Variants in SLC39A11 observed in about 807,000 individuals in gnomAD.
SLC39A11 encodes the protein zinc transporter ZIP11.
Under a neutral mutation model 36.1 loss-of-function variants are expected in SLC39A11, and 33 were observed. The ratio of observed to expected loss-of-function variants is 0.91; its 90% CI spans 0.69 to 1.22. SLC39A11 has a LOEUF of 1.22. Among genes scored for constraint, SLC39A11 ranks in the 50% most tolerant of loss-of-function variants. The pLI is 0.00. For missense variants in SLC39A11, 432 were observed against 430.3 expected, an observed-to-expected ratio of 1.00 and a Z score of -0.03; for synonymous variants, 166 against 170.3, an observed-to-expected ratio of 0.97 and a Z score of 0.20.
At chr17:72,933,559 G>A (rs953566771) in intron 5 of SLC39A11, among the ~76,000 whole-genome samples, 3 of 152,082 alleles carry the variant, frequency 2.0e-5, no homozygotes, top group Non-Finnish European at 2.9e-5. Flanking sequence ...TTGCTTTGTC[G>A]CCCAAGCCAG....
chr17:72,965,787 C>CCA (rs1356321243), intron 4 of SLC39A11, among the ~76,000 whole-genome samples: 2 of 152,158 alleles, frequency 1.3e-5, no homozygotes, highest in Non-Finnish European at 2.9e-5. Context: ...ATACAAGGTG[C>CCA]CACACCATGC....
chr17:72,915,248 C>T (rs1430927077), intron 5 of SLC39A11, among the ~76,000 whole-genome samples: 1 of 152,182 alleles, frequency 6.6e-6, no homozygotes, highest in Admixed American at 6.5e-5. Flanking sequence ...ATCAAATGCT[C>T]ACACCGGGAC....
chr17:72,728,451 G>C (rs932764863), intron 7 of SLC39A11, among the ~76,000 whole-genome samples: 2 of 151,508 alleles, frequency 1.3e-5, no homozygotes, highest in African/African-American at 4.8e-5. Context: ...AAAAGAAAGG[G>C]AAAGGGAAAG....
chr17:73,034,789 G>A (rs1195523104), intron 3 of SLC39A11, among the ~76,000 whole-genome samples: 1 of 152,132 alleles, frequency 6.6e-6, no homozygotes, highest in East Asian at 1.9e-4. Context: ...GCATCACTGA[G>A]TACCAACCTT....
intron 7 of SLC39A11, among the ~76,000 whole-genome samples, chr17:72,655,052 C>T (rs562163265): frequency 1.3e-5 from 2 of 152,348 alleles, no homozygotes; most frequent in African/African-American, 2.4e-5. Flanking sequence ...CTGCCATGCC[C>T]TCTGGATCCT....
chr17:72,988,854 G>A (rs1264175154), intron 4 of SLC39A11, among the ~76,000 whole-genome samples: 3 of 152,020 alleles, frequency 2.0e-5, no homozygotes, highest in African/African-American at 4.8e-5. Flanking sequence ...GATTACAGGC[G>A]TGAGCCACCA....
At chr17:72,864,071 G>T (rs2080181259) in intron 5 of SLC39A11, among the ~76,000 whole-genome samples, 2 of 152,132 alleles carry the variant, frequency 1.3e-5, no homozygotes, top group South Asian at 4.1e-4. Context: ...TCTGTTCACT[G>T]CCAATCCATC....
chr17:73,031,450 A>G, intron 4 of SLC39A11, 106 bp downstream of exon 4: 17 of 1,225,116 alleles, frequency 1.4e-5, no homozygotes, highest in Non-Finnish European at 1.8e-5. Flanking sequence ...ACCACTGGCT[A>G]CTTAACAGAG....
intron 7 of SLC39A11, among the ~76,000 whole-genome samples, chr17:72,686,653 G>C (rs903106008): frequency 6.6e-6 from 1 of 152,220 alleles, no homozygotes. Context: ...TGAATGCCCA[G>C]CTATGGCCCA....
rs200710058 is a variant in SLC39A11, at chr17:73,067,540, C to CT, written c.147+17267dup. Among the ~76,000 whole-genome samples, 56 of 151,780 alleles carry CT rather than the reference C, an allele frequency of 3.7e-4. No individual in the cohort carries two copies. In the East Asian group the frequency reaches 8.7e-3, roughly 24 times the overall value. ...GGGTCTTTCTTGTTTTTTGTTTTTT[C>CT]TTTTTTTTGAGAACTGGCAATGAAG... On this transcript the variant is annotated intron_variant, in intron 3 of 9. Transcript: ENST00000255559.
intron 7 of SLC39A11, among the ~76,000 whole-genome samples, chr17:72,702,661 G>A (rs2072704238): frequency 6.6e-6 from 1 of 152,082 alleles, no homozygotes; most frequent in Non-Finnish European, 1.5e-5. Context: ...TTCCAGCCAG[G>A]CATGGTGGCT....
chr17:72,946,510 T>C (rs534465178), intron 5 of SLC39A11, among the ~76,000 whole-genome samples: 1 of 152,302 alleles, frequency 6.6e-6, no homozygotes, highest in South Asian at 2.1e-4. Context: ...AAAGATTCAA[T>C]TAAAATGCCA....
chr17:72,742,320 C>G (rs915043115), intron 6 of SLC39A11, among the ~76,000 whole-genome samples: 4 of 152,162 alleles, frequency 2.6e-5, no homozygotes, highest in African/African-American at 2.4e-5. Context: ...GAGGAGGCAG[C>G]CTCGTTTTTG....
At chr17:72,961,664 C>T (rs1322070740) in intron 4 of SLC39A11, among the ~76,000 whole-genome samples, 1 of 151,848 alleles carries the variant, frequency 6.6e-6, no homozygotes, top group African/African-American at 2.4e-5. Context: ...CGCATGTTCT[C>T]ACTCATAGGT....
chr17:72,781,426 CTTTT>C (rs1297549110), intron 6 of SLC39A11, among the ~76,000 whole-genome samples: 1 of 134,186 alleles, frequency 7.5e-6, no homozygotes, highest in Non-Finnish European at 1.6e-5. Context: ...TTTTTTTTTT[CTTTT>C]TTCTTTTTTT....
chr17:72,736,676 C>T lies in SLC39A11; in HGVS notation c.645G>A (p.Thr215=), dbSNP rs757427255. 4.4e-5 allele frequency: 71 copies of T among 1,613,882 alleles called. No homozygotes were observed. The highest frequency in any genetic ancestry group is 5.7e-5 in the Non-Finnish European group (67 of 1,179,998). Residue 215 remains threonine, a synonymous_variant, in exon 7 of 10, where the codon ACG becomes ACA. Transcript: ENST00000255559. ...TGGCACTCTCAAAGGTAGCAGATGCCGTCTTTTCTATAGCCCCAAATCCAA... is the reference window on the plus strand; with the variant it reads ...TGGCACTCTCAAAGGTAGCAGATGCTGTCTTTTCTATAGCCCCAAATCCAA... ...VGVGFGAIEK[T]ASATFESARN...
chr17:73,012,241 A>G (rs912168262), intron 4 of SLC39A11, among the ~76,000 whole-genome samples: 17 of 152,056 alleles, frequency 1.1e-4, no homozygotes, highest in African/African-American at 4.1e-4. Flanking sequence ...ATGCCACTGC[A>G]CTCCATCCTG....
intron 6 of SLC39A11, among the ~76,000 whole-genome samples, chr17:72,802,953 G>A (rs866798741): frequency 1.9e-4 from 29 of 152,228 alleles, no homozygotes; most frequent in South Asian, 8.3e-4. Flanking sequence ...CTGGGGACAA[G>A]CCAGCTAGCC....
chr17:72,974,092 C>T (rs1053772453), intron 4 of SLC39A11, among the ~76,000 whole-genome samples: 23 of 151,816 alleles, frequency 1.5e-4, no homozygotes, highest in African/African-American at 5.3e-4. Flanking sequence ...GGCTAACATT[C>T]GTGCTTATTT....
Sources: gnomAD v4.1 joint callset for allele counts (sites outside exome capture counted in the v4.1 genomes callset) on GRCh38, gnomAD v4.1.1 for gene constraint, MANE v1.5 for transcripts, NCBI Gene and HGNC (gene_info 2026-07-23, HGNC 2026-07-21) for gene names.